Variants in ADARB2 observed in about 807,000 individuals in gnomAD.
ADARB2 encodes inactive double-stranded RNA-specific editase B2.
In ADARB2, 25 loss-of-function variants were observed where a neutral mutation model predicts 62.2. The observed-to-expected ratio is 0.40, with a 90% CI of 0.29 to 0.56. The LOEUF (loss-of-function observed/expected upper bound fraction) is 0.56, where lower values mean the gene tolerates loss of function less well. ADARB2 is among the 20% of genes least tolerant of loss of function. The pLI is 0.43. For synonymous variants in ADARB2, 572 were observed against 500.8 expected, an observed-to-expected ratio of 1.14 and a Z score of -1.90; for missense variants, 1,071 against 1,077.4, an observed-to-expected ratio of 0.99 and a Z score of 0.08.
At chr10:1,282,235 C>T (rs959996736) in intron 3 of ADARB2, among the ~76,000 whole-genome samples, 2 of 152,216 alleles carry the variant, frequency 1.3e-5, no homozygotes, top group African/African-American at 4.8e-5. Flanking sequence ...TTACGTGGTG[C>T]TCAGAGACCT....
intron 1 of ADARB2, among the ~76,000 whole-genome samples, chr10:1,575,194 T>A (rs147657807): frequency 1.7e-3 from 255 of 152,302 alleles, no homozygotes; most frequent in Non-Finnish European, 2.7e-3. Context: ...ATGGAACGGC[T>A]TGCTTGTGAT....
chr10:1,533,193 ACTGCAACCTCTGCCTCC>A, intron 1 of ADARB2, among the ~76,000 whole-genome samples: 1 of 149,396 alleles, frequency 6.7e-6, no homozygotes, highest in African/African-American at 2.5e-5. Context: ...ATCTCGGCTC[ACTGCAACCTCTGCCTCC>A]CTGGTTCGAG....
intron 1 of ADARB2, among the ~76,000 whole-genome samples, chr10:1,444,529 C>T (rs1212053249): frequency 5.4e-5 from 8 of 148,674 alleles, no homozygotes; most frequent in African/African-American, 9.9e-5. Context: ...CATCCATCCA[C>T]TCACAATCCA....
At chr10:1,650,637 T>C (rs530404117) in intron 1 of ADARB2, among the ~76,000 whole-genome samples, 1 of 152,206 alleles carries the variant, frequency 6.6e-6, no homozygotes, top group Admixed American at 6.5e-5. Flanking sequence ...TGTCCCTTAC[T>C]ATCTTAAATT....
At chr10:1,525,594 A>G (rs1832130168) in intron 1 of ADARB2, among the ~76,000 whole-genome samples, 1 of 152,064 alleles carries the variant, frequency 6.6e-6, no homozygotes, top group Non-Finnish European at 1.5e-5. Flanking sequence ...TGTGGGTTGC[A>G]TCTGTGTCCT....
At chr10:1,569,263 C>CGA (rs972755085) in intron 1 of ADARB2, among the ~76,000 whole-genome samples, 13 of 150,892 alleles carry the variant, frequency 8.6e-5, no homozygotes, top group African/African-American at 2.7e-4. Context: ...AGACAGAGAG[C>CGA]GAGAGAGAGA....
In ADARB2 at chr10:1,305,467, A is replaced by C. The variant is rs868817073; in HGVS notation, c.1078-34398T>G. ...GATGGATTCACAGCCGAATTCTACC[A>C]GAGGTACAAGGAGGAACTGGTACCA... On this transcript the variant is annotated intron_variant, in intron 3 of 9. Coordinates refer to ENST00000381312, the MANE Select transcript of ADARB2 (RefSeq NM_018702.4). Among the ~76,000 whole-genome samples the C allele has an allele frequency of 5.5e-3, 831 of 151,776 alleles. 4 individuals are homozygous for C. The highest frequency in any genetic ancestry group is 0.019 in the African/African-American group (780 of 41,514).
intron 1 of ADARB2, among the ~76,000 whole-genome samples, chr10:1,424,127 G>T (rs992313186): frequency 1.3e-5 from 2 of 152,116 alleles, no homozygotes; most frequent in African/African-American, 2.4e-5. Context: ...TATGCAGTGG[G>T]TCTACTACGT....
At chr10:1,183,559 G>A (rs1471994692) in intron 9 of ADARB2, among the ~76,000 whole-genome samples, 190 bp from the exon 10 acceptor site, 1 of 152,222 alleles carries the variant, frequency 6.6e-6, no homozygotes, top group Non-Finnish European at 1.5e-5. Flanking sequence ...AAGGAAACCC[G>A]CTTCATCTGA....
At chr10:1,312,560 G>C (rs1831701651) in intron 3 of ADARB2, among the ~76,000 whole-genome samples, 1 of 152,224 alleles carries the variant, frequency 6.6e-6, no homozygotes, top group Admixed American at 6.5e-5. Flanking sequence ...AAGTTTACCA[G>C]TTGTTTATAA....
At chr10:1,359,132 C>G (rs1350073014) in intron 3 of ADARB2, among the ~76,000 whole-genome samples, 1 of 152,184 alleles carries the variant, frequency 6.6e-6, no homozygotes, top group African/African-American at 2.4e-5. Flanking sequence ...CTTGTTCTTA[C>G]TTCTGAGTAC....
intron 2 of ADARB2, among the ~76,000 whole-genome samples, chr10:1,367,204 G>A (rs10903430): frequency 1.3e-5 from 2 of 152,168 alleles, no homozygotes; most frequent in Non-Finnish European, 2.9e-5. Context: ...CGTTCAGCTC[G>A]GGGTGAAAAC....
intron 1 of ADARB2, among the ~76,000 whole-genome samples, chr10:1,690,972 C>T (rs1834664910): frequency 6.6e-6 from 1 of 152,208 alleles, no homozygotes; most frequent in South Asian, 2.1e-4. Flanking sequence ...CAACCCCACG[C>T]TGTGCCCCTT....
intron 1 of ADARB2, among the ~76,000 whole-genome samples, chr10:1,402,158 G>A (rs1832669461): frequency 6.6e-6 from 1 of 152,226 alleles, no homozygotes; most frequent in Non-Finnish European, 1.5e-5. Context: ...CCTAAGTGAA[G>A]CAGCAGACAG....
chr10:1,321,865 C>T (rs1228379987), intron 3 of ADARB2, among the ~76,000 whole-genome samples: 1 of 151,500 alleles, frequency 6.6e-6, no homozygotes, highest in Non-Finnish European at 1.5e-5. Flanking sequence ...TGCCTGTGGG[C>T]ATGTGTGTCC....
At chr10:1,554,763 G>C (rs1438171271) in intron 1 of ADARB2, among the ~76,000 whole-genome samples, 1 of 152,062 alleles carries the variant, frequency 6.6e-6, no homozygotes, top group African/African-American at 2.4e-5. Context: ...CTTTTCTTGT[G>C]GGTTCAGGAG....
At chr10:1,573,278 G>A (rs1411783678) in intron 1 of ADARB2, among the ~76,000 whole-genome samples, 3 of 152,102 alleles carry the variant, frequency 2.0e-5, no homozygotes, top group Admixed American at 6.5e-5. Flanking sequence ...GATGAGCCCC[G>A]GTGGGGCTGT....
chr10:1,673,419 A>T (rs1008827777), intron 1 of ADARB2, among the ~76,000 whole-genome samples: 1 of 151,914 alleles, frequency 6.6e-6, no homozygotes, highest in African/African-American at 2.4e-5. Context: ...ATCCTAAATG[A>T]ACGTTCATAA....
chr10:1,274,230 C>T (rs1831292197), intron 3 of ADARB2, among the ~76,000 whole-genome samples: 1 of 152,382 alleles, frequency 6.6e-6, no homozygotes, highest in African/African-American at 2.4e-5. Context: ...GCCACGGGGA[C>T]ACTTCCCCAG....
Sources: gnomAD v4.1 joint callset for allele counts (sites outside exome capture counted in the v4.1 genomes callset) on GRCh38, gnomAD v4.1.1 for gene constraint, MANE v1.5 for transcripts, NCBI Gene and HGNC (gene_info 2026-07-23, HGNC 2026-07-21) for gene names.